ZNHIT6: variants seen among roughly 807,000 people sequenced by gnomAD.
The protein encoded by ZNHIT6 is zinc finger HIT-type containing 6.
Under a neutral mutation model 57.2 loss-of-function variants are expected in ZNHIT6, and 45 were observed. The observed-to-expected ratio is 0.79, with a 90% CI of 0.62 to 1.01. ZNHIT6 has a LOEUF of 1.01. Ranked by LOEUF, ZNHIT6 falls within the 50% of genes least tolerant of loss-of-function variation. The pLI is 0.00. For missense variants in ZNHIT6, 528 were observed against 567.3 expected (o/e 0.93, Z 0.70); for synonymous variants, 188 against 190.0 (o/e 0.99, Z 0.09).
chr1:85,657,720 T>C (rs1056466296), intron 9 of ZNHIT6, 127 bp downstream of exon 9: 4 of 841,856 alleles, frequency 4.8e-6, no homozygotes, highest in Middle Eastern at 3.4e-4. Flanking sequence ...ATTAACTAGC[T>C]ATACAGTAGA....
At chr1:85,661,791 A>T (rs1351045682) in intron 8 of ZNHIT6, among the ~76,000 whole-genome samples, 1 of 152,178 alleles carries the variant, frequency 6.6e-6, no homozygotes, top group Non-Finnish European at 1.5e-5. Context: ...AAACTCTGGT[A>T]TTTCCATTAA....
Position 85,653,740 on chromosome 1 carries a change from A to G in ZNHIT6, c.*318T>C, listed in dbSNP as rs558044311. The G allele has an allele frequency of 7.6e-4, 155 of 204,960 alleles. 1 individual carries two copies. Among genetic ancestry groups the G allele is most frequent in the African/African-American group, 3.5e-3 (151 of 43,398 alleles). The allele number at this position is 204,960 out of a possible 1,614,324, so 12.7% of individuals were successfully genotyped here. On this transcript the variant is annotated 3_prime_UTR_variant, in exon 10 of 10. Coordinates refer to ENST00000370574, the MANE Select transcript of ZNHIT6 (RefSeq NM_017953.4). ...CACTTGCACTCCAAGACCCCATCTC[A>G]AAAAAAGAAAGAAAAAAGAAAAAAA...
chr1:85,683,906 G>A (rs950878642), intron 5 of ZNHIT6, among the ~76,000 whole-genome samples: 2 of 151,968 alleles, frequency 1.3e-5, no homozygotes, highest in South Asian at 2.1e-4. Flanking sequence ...CCCTCTAGAT[G>A]AGTGTTCCAC....
chr1:85,650,054 G>A lies in ZNHIT6; in HGVS notation c.*4004C>T, dbSNP rs984449714. ...TGAATGTGTTACTTTCGTATTCCCA[G>A]TAACTACCTTTCCTCACCTGCTCCC... On this transcript the variant is annotated 3_prime_UTR_variant, in exon 10 of 10. Transcript: ENST00000370574. 1 of 152,192 alleles carries A rather than the reference G, an allele frequency of 6.6e-6. No individual in the cohort carries two copies. Among genetic ancestry groups the A allele is most frequent in the Non-Finnish European group, 1.5e-5 (1 of 68,036 alleles). The allele number at this position is 152,192 out of a possible 1,614,324, so 9.4% of individuals were successfully genotyped here.
At chr1:85,666,690 A>T (rs1661380020) in intron 8 of ZNHIT6, among the ~76,000 whole-genome samples, 1 of 152,212 alleles carries the variant, frequency 6.6e-6, no homozygotes, top group Non-Finnish European at 1.5e-5. Context: ...AAACTGCTTT[A>T]ACAAGAATAC....
At chr1:85,688,438 T>C (rs551114886) in intron 5 of ZNHIT6, among the ~76,000 whole-genome samples, 4 of 152,348 alleles carry the variant, frequency 2.6e-5, no homozygotes, top group African/African-American at 7.2e-5. Flanking sequence ...TTTTCTGTAC[T>C]GCGAATTCAA....
intron 9 of ZNHIT6, among the ~76,000 whole-genome samples, chr1:85,657,060 T>G (rs1021604468): frequency 2.6e-5 from 4 of 152,164 alleles, no homozygotes; most frequent in African/African-American, 9.6e-5. Flanking sequence ...GAAAGTGCTA[T>G]GTAATAGTTT....
At chr1:85,691,741 C>T (rs928321139) in intron 5 of ZNHIT6, among the ~76,000 whole-genome samples, 1 of 152,014 alleles carries the variant, frequency 6.6e-6, no homozygotes, top group Non-Finnish European at 1.5e-5. Context: ...TATAAATTAG[C>T]AGAGCGTGGT....
chr1:85,652,794 A>G lies in ZNHIT6; in HGVS notation c.*1264T>C, dbSNP rs761459239. 5.3e-5 allele frequency: 8 copies of G among 152,218 alleles called. No homozygotes were observed. Among genetic ancestry groups the G allele is most frequent in the Non-Finnish European group, 8.8e-5 (6 of 68,048 alleles). The allele number at this position is 152,218 out of a possible 1,614,324, so 9.4% of individuals were successfully genotyped here. A position where few individuals can be genotyped will look rare whatever the true frequency, so the allele number is the denominator to read the frequency against. On this transcript the variant is annotated 3_prime_UTR_variant, in exon 10 of 10. Coordinates refer to ENST00000370574, the MANE Select transcript of ZNHIT6 (RefSeq NM_017953.4). The stretch of plus-strand genomic sequence containing the variant: ...TATCATTGCTTTTTAACCATTAAGT[A>G]CACACATACAATATAGATGTAACAA...
At chr1:85,676,599 C>A (rs909531602) in intron 8 of ZNHIT6, among the ~76,000 whole-genome samples, 8 of 152,164 alleles carry the variant, frequency 5.3e-5, no homozygotes, top group African/African-American at 1.9e-4. Flanking sequence ...TATTAATTGG[C>A]CTAATTTCAA....
chr1:85,679,580 T>TTG (rs1553156742), intron 6 of ZNHIT6, among the ~76,000 whole-genome samples: 1 of 150,072 alleles, frequency 6.7e-6, no homozygotes, highest in Non-Finnish European at 1.5e-5. Context: ...TTTTTTTTTT[T>TTG]TAATTTTTTT....
intron 5 of ZNHIT6, among the ~76,000 whole-genome samples, chr1:85,689,999 A>T (rs1662173390): frequency 6.6e-6 from 1 of 152,234 alleles, no homozygotes; most frequent in African/African-American, 2.4e-5. Flanking sequence ...CGGAGAAAAT[A>T]TGTACTATAG....
Position 85,706,061 on chromosome 1 carries a change from T to C in ZNHIT6, c.915+17A>G. 6.3e-7 allele frequency: 1 copy of C among 1,585,126 alleles called. No homozygotes were observed. The highest frequency in any genetic ancestry group is 1.4e-5 in the African/African-American group (1 of 73,274). On this transcript the variant is annotated intron_variant, in intron 4 of 9. Coordinates refer to ENST00000370574, the MANE Select transcript of ZNHIT6 (RefSeq NM_017953.4). ...TTGAAGGACTTCTAACTGGAAGAAA[T>C]TAGGAAAAAATCTTACATATTTATT...
chr1:85,705,720 C>T (rs1315804147), intron 4 of ZNHIT6, among the ~76,000 whole-genome samples: 2 of 152,188 alleles, frequency 1.3e-5, no homozygotes, highest in Non-Finnish European at 2.9e-5. Flanking sequence ...TCACTGCTTA[C>T]ACATCATCTC....
chr1:85,686,663 G>A (rs192424931), intron 5 of ZNHIT6, among the ~76,000 whole-genome samples: 26 of 152,094 alleles, frequency 1.7e-4, no homozygotes, highest in South Asian at 4.2e-4. Flanking sequence ...AGTCCAACAC[G>A]GACTTCTTTT....
intron 8 of ZNHIT6, among the ~76,000 whole-genome samples, chr1:85,671,663 C>T (rs1661560185): frequency 6.6e-6 from 1 of 152,122 alleles, no homozygotes; most frequent in South Asian, 2.1e-4. Flanking sequence ...TTCTGGGTGC[C>T]AGGCACTGTA....
At chr1:85,702,053 T>A in intron 5 of ZNHIT6, 104 bp downstream of exon 5, 2 of 698,770 alleles carry the variant, frequency 2.9e-6, no homozygotes, top group East Asian at 5.4e-5. Context: ...ACAAACAGTT[T>A]ACAGAACCAC....
rs760650668 is a variant in ZNHIT6 at position 85,708,142 on chromosome 1, C to T, written c.143G>A (p.Gly48Glu). 1.9e-6 allele frequency: 3 copies of T among 1,614,024 alleles called. No homozygotes were observed. Among genetic ancestry groups the T allele is most frequent in the African/African-American group, 1.3e-5 (1 of 74,900 alleles). Reference sequence around the variant, plus strand: ...CTCCTTTATCCCTGTCAGCCCTGTCCCCTCCTCTCCGCCGCCGAACTCCTC... The same window carrying T: ...CTCCTTTATCCCTGTCAGCCCTGTCTCCTCCTCTCCGCCGCCGAACTCCTC... ...GAEEFGGGEE[G>E]TGLTGIKEIG... Residue 48 changes from glycine (G) to glutamate (E), a missense_variant, in exon 1 of 10, where the codon GGG becomes GAG. Physicochemically the swap from Gly to Glu is moderately conservative, Grantham distance 98. Transcript: ENST00000370574.
rs770530004 is a variant in ZNHIT6 at position 85,657,906 on chromosome 1, T to C, written c.1313A>G (p.Tyr438Cys). 3 of 1,603,408 alleles carry C rather than the reference T, an allele frequency of 1.9e-6. No individual in the cohort carries two copies. In the South Asian group the frequency reaches 3.3e-5, roughly 18 times the overall value. The change falls in exon 9 of 10, where the codon TAT becomes TGT. Residue 438 changes from tyrosine to cysteine, a missense_variant. Tyr to Cys is a radical substitution (Grantham distance 194, BLOSUM62 -2). Transcript: ENST00000370574. ...TTTCAATACCACATGTAATGTTGGA[T>C]ACTCAATGATCACTTTGTTCCTCAA... ...DNLRNKVIIEYPTLHVVLKGS... is the reference protein window; with the variant it reads ...DNLRNKVIIECPTLHVVLKGS...
Sources: allele counts gnomAD v4.1 joint callset (sites outside exome capture counted in the v4.1 genomes callset), GRCh38; gene constraint gnomAD v4.1.1; transcripts MANE v1.5; gene names NCBI Gene and HGNC (gene_info 2026-07-23, HGNC 2026-07-21).